The following PLEC variants were observed in gnomAD, a reference collection of about 807,000 sequenced individuals.
The protein encoded by PLEC is hemidesmosomal protein 1.
A neutral mutation model predicts 392.8 loss-of-function variants in PLEC; 216 were observed. That is an observed-to-expected ratio of 0.55 (90% confidence interval 0.49 to 0.62). The LOEUF is 0.62. Ranked by LOEUF, PLEC falls within the 20% of genes least tolerant of loss-of-function variation. PLEC has a pLI of 0.00. For synonymous variants in PLEC, 3,621 were observed against 2,980.6 expected, an observed-to-expected ratio of 1.21 and a Z score of -7.00; for missense variants, 6,863 against 6,563.4, an observed-to-expected ratio of 1.05 and a Z score of -1.58.
At position 143,939,579 on chromosome 8, in the gene PLEC, A is replaced by T; in HGVS notation, c.-118T>A. 6.6e-7 allele frequency: 1 copy of T among 1,520,662 alleles called. No homozygotes were observed. Among genetic ancestry groups the T allele is most frequent in the Non-Finnish European group, 8.8e-7 (1 of 1,136,696 alleles). 94.2% of individuals were successfully genotyped at this position (1,520,662 alleles called of 1,614,324 possible). A position where few individuals can be genotyped will look rare whatever the true frequency, so the allele number is the denominator to read the frequency against. ...GCCCCACGAGACGCTCACTCGGCAC[A>T]GGCTCAGCTCAGAGCCCCAGTCGGT... On this transcript the variant is annotated 5_prime_UTR_variant, in exon 1 of 32. Coordinates refer to ENST00000345136, the MANE Select transcript of PLEC (RefSeq NM_201384.3).
upstream of PLEC, among the ~76,000 whole-genome samples, chr8:143,944,213 C>T (rs1472775479): frequency 2.6e-5 from 4 of 152,132 alleles, no homozygotes; most frequent in Non-Finnish European, 4.4e-5. Context: ...CCACACCCGC[C>T]GGGAGGAGGG....
chr8:143,935,304 G>T lies in PLEC; in HGVS notation c.612C>A (p.Leu204=). Reference sequence around the variant, plus strand: ...GCCGGTACACCTTGTTCATGTCGATGAGCAGGGGCCTGGGACAAGCAGGTG... The same window carrying T: ...GCCGGTACACCTTGTTCATGTCGATTAGCAGGGGCCTGGGACAAGCAGGTG... The part of the protein sequence containing the change: ...NAIIHRHKPL[L]IDMNKVYRQT... Residue 204 remains leucine, a synonymous_variant, in exon 7 of 32, where the codon CTC becomes CTA. Coordinates refer to ENST00000345136, the MANE Select transcript of PLEC (RefSeq NM_201384.3). 6.2e-7 allele frequency: 1 copy of T among 1,603,832 alleles called. No homozygotes were observed. The highest frequency in any genetic ancestry group is 1.1e-5 in the South Asian group (1 of 90,964).
At position 143,938,137 on chromosome 8, in the gene PLEC, AGG is replaced by A. The variant is rs1337332579; in HGVS notation, c.264+12_264+13del. The A allele has an allele frequency of 3.8e-6, 6 of 1,591,104 alleles. No individual in the cohort carries two copies. In the African/African-American group the frequency reaches 8.0e-5, roughly 21 times the overall value. On this transcript the variant is annotated intron_variant, in intron 3 of 31. Coordinates refer to ENST00000345136, the MANE Select transcript of PLEC (RefSeq NM_201384.3). ...GGGGCAGGCGGGGCCCGGAGGGGGC[AGG>A]GGCACACGTACCAGGCTGTCCCCCG...
chr8:143,920,820 G>A lies in PLEC; in HGVS notation c.9001C>T (p.Gln3001Ter), dbSNP rs1586827672. The change falls in exon 32 of 32, where the codon CAG (glutamine) becomes TAG (stop). Residue 3001 changes from glutamine (Q) to a stop codon, truncating the protein, a stop_gained. Transcript: ENST00000345136. LOFTEE classifies it high-confidence loss of function. ...VIDRELYQQLQRGERSVRDVA... is the reference protein window; with the variant it reads ...VIDRELYQQL ...TCTCGCACAGAGCGCTCACCTCGCT[G>A]CAGCTGCTGGTAGAGCTCGCGGTCG... The A allele has an allele frequency of 1.2e-6, 2 of 1,608,416 alleles. No homozygotes were observed. Among genetic ancestry groups the A allele is most frequent in the Non-Finnish European group, 1.7e-6 (2 of 1,179,938 alleles).
At chr8:143,940,909 T>G (rs1830344595), upstream of PLEC, among the ~76,000 whole-genome samples, 1 of 152,162 alleles carries the variant, frequency 6.6e-6, no homozygotes, top group Admixed American at 6.5e-5. Context: ...GCATGGTCTC[T>G]GAGCCTGGCA....
chr8:143,974,068 G>A (rs1833572071), upstream of PLEC, among the ~76,000 whole-genome samples: 1 of 152,174 alleles, frequency 6.6e-6, no homozygotes, highest in Non-Finnish European at 1.5e-5. The surrounding 1 kb of genome is among the most constrained non-coding windows in gnomAD (Gnocchi z 5.9). Context: ...CGCTCTCCCC[G>A]CCTTCACCAA....
Position 143,923,993 on chromosome 8 carries a change from T to A in PLEC, c.5936A>T (p.Glu1979Val), listed in dbSNP as rs782420409. The change falls in exon 31 of 32, where the codon GAG (glutamate) becomes GTG (valine). Residue 1979 changes from glutamate to valine, a missense_variant. Transcript: ENST00000345136. The part of the protein sequence containing the change: ...AARQRQLAAE[E>V]ERRRREAEER... ...CTCAGCCTCACGGCGCCGCCGCTCCTCCTCCGCCGCCAGCTGCCGCTGCCT... is the reference window on the plus strand; with the variant it reads ...CTCAGCCTCACGGCGCCGCCGCTCCACCTCCGCCGCCAGCTGCCGCTGCCT... 6.3e-7 allele frequency: 1 copy of A among 1,585,104 alleles called. No individual in the cohort carries two copies. Among genetic ancestry groups the A allele is most frequent in the African/African-American group, 1.3e-5 (1 of 74,450 alleles).
rs782455948 is a variant in PLEC, at chr8:143,925,851, C to T, written c.4078G>A (p.Glu1360Lys). Residue 1360 changes from glutamate (E) to lysine (K), a missense_variant, in exon 31 of 32, where the codon GAG (glutamate) becomes AAG (lysine). Transcript: ENST00000345136. ...GCGGCCTCCACCTCGGCCAGCCGCT[C>T]GCGCTCCTCTGCCCGCTGCTGCTCA... ...LAEQQRAEER[E>K]RLAEVEAALE... 30 of 1,550,216 alleles carry T rather than the reference C, an allele frequency of 1.9e-5. No homozygotes were observed. Among genetic ancestry groups the T allele is most frequent in the South Asian group, 1.3e-4 (11 of 85,986 alleles).
Position 143,921,418 on chromosome 8 carries a change from G to A in PLEC, c.8403C>T (p.His2801=), listed in dbSNP as rs373876233. 52 of 1,613,196 alleles carry A rather than the reference G, an allele frequency of 3.2e-5. No individual in the cohort carries two copies. Among genetic ancestry groups the A allele is most frequent in the African/African-American group, 1.2e-4 (9 of 74,914 alleles). The stretch of plus-strand genomic sequence containing the variant: ...TCTGGGCCTCCAGCAGGCGGATGCC[G>A]TGCTCCCGGACGATGAGGCCCTTCT... ...AMQKGLIVRE[H]GIRLLEAQIA... The change falls in exon 32 of 32, where the codon CAC becomes CAT. Residue 2801 remains histidine, a synonymous_variant. Coordinates refer to ENST00000345136, the MANE Select transcript of PLEC (RefSeq NM_201384.3).
At position 143,918,462 on chromosome 8, in the gene PLEC, T is replaced by C. The variant is rs1554675346; in HGVS notation, c.11359A>G (p.Lys3787Glu). Residue 3787 changes from lysine to glutamate, a missense_variant, in exon 32 of 32, where the codon AAG (lysine) becomes GAG (glutamate). Lys to Glu is a moderately conservative substitution (Grantham distance 56). Transcript: ENST00000345136. ...TCCTCAGTAGGGATCAGCTCCTTCT[T>C]CATGGCCTGGAAGAGCGAGATGGTC... is the stretch of plus-strand genomic sequence containing the variant. ...EQTISLFQAMKKELIPTEEAL... is the reference protein window; with the variant it reads ...EQTISLFQAMEKELIPTEEAL... The C allele has an allele frequency of 6.3e-7, 1 of 1,591,662 alleles. No homozygotes were observed. Among genetic ancestry groups the C allele is most frequent in the Non-Finnish European group, 8.5e-7 (1 of 1,170,784 alleles).
rs1554695457 is a variant in PLEC, at chr8:143,924,046, G to A, written c.5883C>T (p.Ser1961=). ...CAGCCTCCAGCTCGGCCTGCTCCTT[G>A]CTGCGCAGCGTGTCCTCCGCGTTGC... ...IRSNAEDTLR[S]KEQAELEAAR... The change falls in exon 31 of 32, where the codon AGC becomes AGT. Residue 1961 remains serine (S), a synonymous_variant. Coordinates refer to ENST00000345136, the MANE Select transcript of PLEC (RefSeq NM_201384.3). 2 of 1,595,902 alleles carry A rather than the reference G, an allele frequency of 1.3e-6. No individual in the cohort carries two copies. The highest frequency in any genetic ancestry group is 8.5e-7 in the Non-Finnish European group (1 of 1,178,304).
Position 143,969,764 on chromosome 8 carries a change from C to T in PLEC, c.70+3639G>A, listed in dbSNP as rs1833321376. ...GGGCCTGGGCAGCTGGGGATAGAGACTTTAGGTTGTCATGTTAGGGATGGG... is the reference window on the plus strand; with the variant it reads ...GGGCCTGGGCAGCTGGGGATAGAGATTTTAGGTTGTCATGTTAGGGATGGG... On this transcript the variant is annotated intron_variant, in intron 1 of 31. Coordinates refer to the PLEC transcript ENST00000356346. The surrounding 1 kb of genome is among the most constrained non-coding windows in gnomAD (Gnocchi z 5.1). 6.6e-6 allele frequency among the ~76,000 whole-genome samples: 1 copy of T among 151,666 alleles called. No homozygotes were observed. The highest frequency in any genetic ancestry group is 1.5e-5 in the Non-Finnish European group (1 of 67,902).
intron 1 of PLEC, among the ~76,000 whole-genome samples, chr8:143,970,270 G>A (rs759565180): frequency 1.3e-4 from 20 of 151,538 alleles, no homozygotes; most frequent in Admixed American, 5.9e-4. Flanking sequence ...AATTTTGGTC[G>A]GTGTTTACTG....
In PLEC at chr8:143,938,699, G is replaced by C. The variant is rs1554725944; in HGVS notation, c.113-7C>G. The C allele has an allele frequency of 1.2e-6, 2 of 1,613,662 alleles. No individual in the cohort carries two copies. Among genetic ancestry groups the C allele is most frequent in the Non-Finnish European group, 1.7e-6 (2 of 1,179,862 alleles). On this transcript the variant is annotated splice_region_variant and splice_polypyrimidine_tract_variant and intron_variant, in intron 1 of 31. Transcript: ENST00000345136. Reference sequence around the variant, plus strand: ...TGCACACGATCCCGCTCATCTGGGGGAGACAAGACCAGCTTACCTGGGGCC... The same window carrying C: ...TGCACACGATCCCGCTCATCTGGGGCAGACAAGACCAGCTTACCTGGGGCC...
At position 143,928,109 on chromosome 8, in the gene PLEC, G is replaced by T. The variant is rs138263219; in HGVS notation, c.3261-117C>A. 15,665 of 1,301,534 alleles carry T rather than the reference G, an allele frequency of 0.012. 144 individuals are homozygous for T. Among genetic ancestry groups the T allele is most frequent in the Non-Finnish European group, 0.015 (14,195 of 962,198 alleles). The allele number at this position is 1,301,534 out of a possible 1,614,324, so 80.6% of individuals were successfully genotyped here. ...CCTGCCAAGCCCAGACCCAACCCTG[G>T]GGGTCAGCTGACCCTGTGGTCAGAG... is the stretch of plus-strand genomic sequence containing the variant. On this transcript the variant is annotated intron_variant, in intron 25 of 31. Transcript: ENST00000345136.
intron 25 of PLEC, among the ~76,000 whole-genome samples, chr8:143,928,728 G>GC (rs1376695918): frequency 2.0e-5 from 3 of 152,180 alleles, no homozygotes; most frequent in Non-Finnish European, 4.4e-5. Flanking sequence ...GGAAATAAAT[G>GC]CCAGAGGCCC....
At chr8:143,932,740 C>T in intron 14 of PLEC, 28 bp from the exon 15 acceptor site, 1 of 1,608,492 alleles carries the variant, frequency 6.2e-7, no homozygotes, top group Non-Finnish European at 8.5e-7. Flanking sequence ...GTGAGGTCTG[C>T]AGTGGCTGGG....
rs2857810 is a variant in PLEC at position 143,919,594 on chromosome 8, G to A, written c.10227C>T (p.Val3409=). ...VDPVRNQRLY[V]HEAVKAGVVG... is the part of the protein sequence containing the mutation. ...CCACGCCCGCCTTCACGGCCTCGTG[G>A]ACATACAGGCGCTGGTTCCGCACGG... Residue 3409 remains valine (V), a synonymous_variant, in exon 32 of 32, where the codon GTC becomes GTT. Transcript: ENST00000345136. 1.3e-6 allele frequency: 2 copies of A among 1,596,964 alleles called. No homozygotes were observed. The highest frequency in any genetic ancestry group is 2.2e-5 in the South Asian group (2 of 89,964).
chr8:143,929,024 C>T (rs1363623585), intron 25 of PLEC, 79 bp downstream of exon 25: 3 of 1,329,686 alleles, frequency 2.3e-6, no homozygotes, highest in Non-Finnish European at 3.1e-6. Flanking sequence ...CCCTCCTGCA[C>T]CCTCCTGCAA....
Sources: allele counts gnomAD v4.1 joint callset (sites outside exome capture counted in the v4.1 genomes callset), GRCh38; gene constraint gnomAD v4.1.1; non-coding constraint Gnocchi (gnomAD v3.1); transcripts MANE v1.5; gene names NCBI Gene and HGNC (gene_info 2026-07-23, HGNC 2026-07-21).